ZFYVE9: variants seen among roughly 807,000 people sequenced by gnomAD.
ZFYVE9 encodes zinc finger FYVE domain-containing protein 9.
A neutral mutation model predicts 126.7 loss-of-function variants in ZFYVE9; 43 were observed. That is an observed-to-expected ratio of 0.34 (90% CI 0.27 to 0.44). ZFYVE9 has a LOEUF of 0.44. Ranked by LOEUF, ZFYVE9 falls within the 20% of genes least tolerant of loss-of-function variation. The probability of loss-of-function intolerance (pLI) is 1.00; values close to 1 mark genes in which losing one functional copy is unlikely to be tolerated. For synonymous variants in ZFYVE9, 521 were observed against 597.4 expected (o/e 0.87, Z 1.87); for missense variants, 1,476 against 1,697.0 (o/e 0.87, Z 2.29).
chr1:52,323,854 C>T (rs1396741827), intron 13 of ZFYVE9, among the ~76,000 whole-genome samples: 4 of 150,698 alleles, frequency 2.7e-5, no homozygotes, highest in African/African-American at 7.3e-5. Context: ...GAGTTCACAA[C>T]CACCCTGACT....
In ZFYVE9 at chr1:52,268,731, G is replaced by A. The variant is rs1376170147; in HGVS notation, c.2625+99G>A. On this transcript the variant is annotated intron_variant, in intron 7 of 18. Coordinates refer to ENST00000287727, the MANE Select transcript of ZFYVE9 (RefSeq NM_004799.4). ...TTTGTGTGGAACTCTGTAGGTTTTG[G>A]ATACAACTTAGTGTATACGTGCACA... is the stretch of plus-strand genomic sequence containing the variant. 7 of 1,411,434 alleles carry A rather than the reference G, an allele frequency of 5.0e-6. No individual in the cohort carries two copies. The South Asian group carries it at 6.9e-5, about 14-fold the overall frequency. 87.4% of individuals were successfully genotyped at this position (1,411,434 alleles called of 1,614,324 possible).
At chr1:52,288,199 C>T (rs1017262506) in intron 10 of ZFYVE9, among the ~76,000 whole-genome samples, 4 of 152,198 alleles carry the variant, frequency 2.6e-5, no homozygotes, top group Non-Finnish European at 2.9e-5. Context: ...CTTAAGATCA[C>T]ACAGTTAGGT....
At chr1:52,151,649 G>A (rs1644357689) in intron 1 of ZFYVE9, among the ~76,000 whole-genome samples, 1 of 151,594 alleles carries the variant, frequency 6.6e-6, no homozygotes, top group African/African-American at 2.4e-5. Flanking sequence ...CCGAGTAGCT[G>A]GGACTACAGG....
chr1:52,337,713 G>T, intron 15 of ZFYVE9, 59 bp from the exon 16 acceptor site: 1 of 1,580,034 alleles, frequency 6.3e-7, no homozygotes, highest in South Asian at 1.1e-5. Context: ...GGAGGAATTT[G>T]CTAGATGCCA....
At position 52,331,440 on chromosome 1, in the gene ZFYVE9, C is replaced by T. The variant is rs1185879887; in HGVS notation, c.3439-1328C>T. On this transcript the variant is annotated intron_variant, in intron 13 of 18. Coordinates refer to ENST00000287727, the MANE Select transcript of ZFYVE9 (RefSeq NM_004799.4). ...TCCAGCCTGGACAACATAGTGAGAT[C>T]CCTGTCTCTTAAAAAAAAAAAAAAA... is the stretch of plus-strand genomic sequence containing the variant. 2.7e-5 allele frequency among the ~76,000 whole-genome samples: 4 copies of T among 148,594 alleles called. 1 individual carries two copies. Among genetic ancestry groups the T allele is most frequent in the Middle Eastern group, 6.9e-3 (2 of 290 alleles).
At chr1:52,224,181 G>T (rs914358927) in intron 2 of ZFYVE9, among the ~76,000 whole-genome samples, 1 of 152,188 alleles carries the variant, frequency 6.6e-6, no homozygotes, top group African/African-American at 2.4e-5. Flanking sequence ...CTTTGGCATT[G>T]TCTATTTCCC....
chr1:52,280,192 C>T (rs1379424655), intron 9 of ZFYVE9, among the ~76,000 whole-genome samples: 2 of 132,114 alleles, frequency 1.5e-5, no homozygotes, highest in Admixed American at 8.2e-5. Flanking sequence ...GCCTGGGCAA[C>T]ATGGTGAAAC....
At chr1:52,210,590 A>G (rs1023219423) in intron 1 of ZFYVE9, among the ~76,000 whole-genome samples, 2 of 152,194 alleles carry the variant, frequency 1.3e-5, no homozygotes, top group Non-Finnish European at 2.9e-5. Flanking sequence ...AGTGGTTTAA[A>G]ATAACAATTT....
At chr1:52,330,159 C>G (rs1390204514) in intron 13 of ZFYVE9, among the ~76,000 whole-genome samples, 1 of 152,222 alleles carries the variant, frequency 6.6e-6, no homozygotes, top group African/African-American at 2.4e-5. Flanking sequence ...GGGCGGACCA[C>G]TTGAGGTCGG....
At chr1:52,175,953 A>G (rs895938830) in intron 1 of ZFYVE9, among the ~76,000 whole-genome samples, 2 of 152,082 alleles carry the variant, frequency 1.3e-5, no homozygotes, top group East Asian at 3.9e-4. Context: ...TTCCTCCTGT[A>G]GCTTGGAGTA....
intron 12 of ZFYVE9, among the ~76,000 whole-genome samples, chr1:52,296,850 A>G (rs974596068): frequency 1.3e-5 from 2 of 152,130 alleles, no homozygotes; most frequent in African/African-American, 2.4e-5. Context: ...CAGAGTCTCT[A>G]TCGCCCAAGT....
At chr1:52,308,766 T>C (rs1646109862) in intron 13 of ZFYVE9, among the ~76,000 whole-genome samples, 1 of 152,252 alleles carries the variant, frequency 6.6e-6, no homozygotes, top group Admixed American at 6.5e-5. Context: ...TAGAATTCTA[T>C]GCATACTATT....
intron 4 of ZFYVE9, among the ~76,000 whole-genome samples, chr1:52,240,697 C>T (rs1307859219): frequency 6.6e-6 from 1 of 152,134 alleles, no homozygotes; most frequent in Admixed American, 6.5e-5. Context: ...TTCTAATTAT[C>T]GGGTCTCAAC....
At chr1:52,300,952 C>G (rs1421509932) in intron 12 of ZFYVE9, among the ~76,000 whole-genome samples, 1 of 150,704 alleles carries the variant, frequency 6.6e-6, no homozygotes, top group East Asian at 2.0e-4. Context: ...TTCCACCTCC[C>G]GGGCTCAAGC....
chr1:52,266,405 TAAAAAAAAAAAAAAAA>T (rs33996604), intron 5 of ZFYVE9, among the ~76,000 whole-genome samples: 1 of 85,628 alleles, frequency 1.2e-5, no homozygotes, highest in African/African-American at 4.8e-5. Context: ...TCTAATTCTT[TAAAAAAAAAAAAAAAA>T]AAAAAAAAAA....
rs1034668599 is a variant in ZFYVE9 at position 52,237,496 on chromosome 1, G to T, written c.79G>T (p.Val27Phe). The change falls in exon 4 of 19, where the codon GTT becomes TTT. Residue 27 changes from valine (V) to phenylalanine (F), a missense_variant. This residue lies in a region of ZFYVE9 where 807 missense variants were observed against 794.6 expected (regional missense o/e 1.02). Coordinates refer to ENST00000287727, the MANE Select transcript of ZFYVE9 (RefSeq NM_004799.4). ...TACTTATTTTTTTCCAGATGAAACA[G>T]TTTCTTCTACTTTATTGGATACAAA... Reference protein sequence around the residue: ...DEFEQNEDETVSSTLLDTKWN... With the variant: ...DEFEQNEDETFSSTLLDTKWN... 2 of 1,593,636 alleles carry T rather than the reference G, an allele frequency of 1.3e-6. No homozygotes were observed. Among genetic ancestry groups the T allele is most frequent in the African/African-American group, 2.7e-5 (2 of 74,150 alleles).
At chr1:52,314,026 G>T (rs899650680) in intron 13 of ZFYVE9, among the ~76,000 whole-genome samples, 17 of 152,118 alleles carry the variant, frequency 1.1e-4, no homozygotes, top group African/African-American at 4.1e-4. Flanking sequence ...GGAGAGAAAA[G>T]GTGGTGGACC....
At chr1:52,318,708 C>G (rs1211736397) in intron 13 of ZFYVE9, among the ~76,000 whole-genome samples, 1 of 152,030 alleles carries the variant, frequency 6.6e-6, no homozygotes, top group Admixed American at 6.6e-5. Context: ...GCCACTAGAT[C>G]TACTAAGTGA....
intron 13 of ZFYVE9, among the ~76,000 whole-genome samples, chr1:52,308,497 C>G (rs548653743): frequency 1.5e-3 from 229 of 152,224 alleles, no homozygotes; most frequent in African/African-American, 5.2e-3. Flanking sequence ...TTTTCTTGTA[C>G]ATTTTATTTA....
Sources: gnomAD v4.1 joint callset for allele counts (sites outside exome capture counted in the v4.1 genomes callset) on GRCh38, gnomAD v4.1.1 for gene constraint, gnomAD v4.1.1 regional missense constraint, MANE v1.5 for transcripts, NCBI Gene and HGNC (gene_info 2026-07-23, HGNC 2026-07-21) for gene names.